Variants in RABL2A observed in about 807,000 individuals in gnomAD.
RABL2A encodes the protein rab-like protein 2A.
RABL2A carries 17 observed loss-of-function variants against 30.7 expected under a neutral mutation model. That is an observed-to-expected ratio of 0.55 (90% CI 0.38 to 0.83). The LOEUF is 0.83. Ranked by LOEUF, RABL2A falls within the 40% of genes least tolerant of loss-of-function variation. The pLI, the probability that RABL2A is intolerant of heterozygous loss-of-function variation, is 0.00. For missense variants in RABL2A, 155 were observed against 272.6 expected, an observed-to-expected ratio of 0.57 and a Z score of 3.04; for synonymous variants, 64 against 101.8, an observed-to-expected ratio of 0.63 and a Z score of 2.24.
chr2:113,632,792 G>A (rs1364847233), intron 2 of RABL2A, 123 bp from the exon 3 acceptor site: 18 of 1,300,990 alleles, frequency 1.4e-5, no homozygotes, highest in Non-Finnish European at 1.6e-5. Context: ...CTGTGTGGCT[G>A]TGGAGTGAAA....
intron 5 of RABL2A, 156 bp from the exon 6 acceptor site, chr2:113,640,738 C>T (rs1177269908): frequency 1.6e-5 from 18 of 1,154,254 alleles, no homozygotes; most frequent in East Asian, 2.6e-5. Flanking sequence ...CCCTGAGAAA[C>T]GGCAGCCTCT....
chr2:113,629,497 T>C (rs114840471), intron 2 of RABL2A, among the ~76,000 whole-genome samples: 2,450 of 150,404 alleles, frequency 0.016, 81 homozygotes, highest in African/African-American at 0.055. Context: ...CTCTCTCTCT[T>C]CCCCACCACA....
chr2:113,639,151 G>A (rs567605027), intron 5 of RABL2A, among the ~76,000 whole-genome samples: 3 of 152,142 alleles, frequency 2.0e-5, no homozygotes, highest in African/African-American at 2.4e-5. Context: ...GCCAGGCATG[G>A]TGGCATGTGC....
chr2:113,629,668 A>G (rs550617571), intron 2 of RABL2A, among the ~76,000 whole-genome samples: 27 of 151,920 alleles, frequency 1.8e-4, no homozygotes, highest in African/African-American at 5.3e-4. Context: ...GCGAGTAGCT[A>G]GGACTACAGG....
At chr2:113,627,647 C>G (rs571899557) in intron 1 of RABL2A, among the ~76,000 whole-genome samples, 87 of 152,348 alleles carry the variant, frequency 5.7e-4, no homozygotes, top group Middle Eastern at 6.8e-3. Flanking sequence ...AGTCTTCGCC[C>G]GTAAGCGGTG....
rs370581872 is a variant in RABL2A at position 113,632,993 on chromosome 2, G to A, written c.137+49G>A. On this transcript the variant is annotated intron_variant, in intron 3 of 8. Coordinates refer to ENST00000683472, the MANE Select transcript of RABL2A (RefSeq NM_001306158.2). ...TCCTTGTTCCTGTGGGTCTTCCCAC[G>A]CTCATGTATCAGTGTCCCACTGCCC... The A allele has an allele frequency of 2.8e-4, 456 of 1,613,508 alleles. 1 individual carries two copies. The highest frequency in any genetic ancestry group is 4.8e-4 in the Admixed American group (29 of 59,988).
chr2:113,641,270 C>G, intron 6 of RABL2A, 83 bp from the exon 7 acceptor site: 2 of 1,595,538 alleles, frequency 1.3e-6, no homozygotes, highest in Non-Finnish European at 1.7e-6. Flanking sequence ...ATCCCACTTT[C>G]TGGAATGAAG....
At chr2:113,633,515 G>A (rs1295926204) in intron 3 of RABL2A, 1 of 198,790 alleles carries the variant, frequency 5.0e-6, no homozygotes, top group African/African-American at 2.5e-5. Context: ...CCTGTCCTAG[G>A]CTCGGCACCC....
chr2:113,641,295 C>G, intron 6 of RABL2A, 58 bp from the exon 7 acceptor site: 1 of 1,611,314 alleles, frequency 6.2e-7, no homozygotes. Flanking sequence ...CCAGTGGCCC[C>G]CCCTCCAAAC....
intron 3 of RABL2A, 113 bp downstream of exon 3, chr2:113,633,057 T>C: frequency 6.5e-7 from 1 of 1,545,824 alleles, no homozygotes; most frequent in Non-Finnish European, 8.9e-7. Flanking sequence ...GGAAGGAGGA[T>C]TGGGTAAGTG....
intron 5 of RABL2A, among the ~76,000 whole-genome samples, chr2:113,639,495 A>C (rs1432530409): frequency 6.0e-5 from 9 of 151,106 alleles, no homozygotes; most frequent in African/African-American, 2.2e-4. Context: ...GGTGGTGCGC[A>C]CCTGTAATCC....
intron 5 of RABL2A, chr2:113,635,496 G>T (rs1682245784): frequency 1.6e-5 from 6 of 368,390 alleles, no homozygotes; most frequent in Non-Finnish European, 3.2e-5. Context: ...CTTTCCCTAG[G>T]GGGCACATGC....
intron 5 of RABL2A, among the ~76,000 whole-genome samples, chr2:113,636,956 T>C (rs1683044292): frequency 6.7e-6 from 1 of 150,076 alleles, no homozygotes. Context: ...GCCACTGCAC[T>C]CCAGCCTGGG....
In RABL2A at chr2:113,642,563, G is replaced by A. The variant is rs544217985; in HGVS notation, c.*434G>A. ...AATGATTACCCCCCCACCCACAGCT[G>A]AGTCTGTGAGGCCCCATCCTTTCCC... On this transcript the variant is annotated 3_prime_UTR_variant, in exon 9 of 9. Transcript: ENST00000683472. The A allele has an allele frequency of 2.1e-4, 53 of 247,044 alleles. No homozygotes were observed. In the South Asian group the frequency reaches 2.3e-3, roughly 11 times the overall value. 15.3% of individuals were successfully genotyped at this position (247,044 alleles called of 1,614,324 possible).
rs866866137 is a variant in RABL2A, at chr2:113,635,480, T to A, written c.297+350T>A. 32 of 380,666 alleles carry A rather than the reference T, an allele frequency of 8.4e-5. No homozygotes were observed. In the Middle Eastern group the frequency reaches 2.7e-3, roughly 32 times the overall value. The allele number at this position is 380,666 out of a possible 1,614,324, so 23.6% of individuals were successfully genotyped here. On this transcript the variant is annotated intron_variant, in intron 5 of 8. Transcript: ENST00000683472. ...CCCAAGGCCTCCCTCCACTGTTGCCTGCTGCCTTTCCCTAGGGGGCACATG... is the reference window on the plus strand; with the variant it reads ...CCCAAGGCCTCCCTCCACTGTTGCCAGCTGCCTTTCCCTAGGGGGCACATG...
intron 2 of RABL2A, among the ~76,000 whole-genome samples, 163 bp downstream of exon 2, chr2:113,628,876 G>A (rs1292467894): frequency 1.3e-5 from 2 of 152,180 alleles, no homozygotes; most frequent in African/African-American, 4.8e-5. Flanking sequence ...CACATGACCC[G>A]TTGTGTGTGT....
intron 5 of RABL2A, among the ~76,000 whole-genome samples, chr2:113,636,115 A>G (rs201661658): frequency 6.7e-6 from 1 of 150,160 alleles, no homozygotes; most frequent in South Asian, 2.1e-4. Flanking sequence ...TCTAAAAAAA[A>G]CCCACATTTT....
rs549816992 is a variant in RABL2A at position 113,628,865 on chromosome 2, T to C, written c.107+152T>C. On this transcript the variant is annotated intron_variant, in intron 2 of 8. Transcript: ENST00000683472. ...GATGTTCATGGGGGAACGAGGGGAA[T>C]CACATGACCCGTTGTGTGTGTCGGG... 936 of 1,556,092 alleles carry C rather than the reference T, an allele frequency of 6.0e-4. 2 individuals carry two copies. In the African/African-American group the frequency reaches 7.0e-3, roughly 12 times the overall value.
intron 5 of RABL2A, chr2:113,637,550 G>C (rs1386679148): frequency 8.3e-7 from 1 of 1,202,834 alleles, no homozygotes; most frequent in Non-Finnish European, 1.1e-6. Context: ...ACCCTTTGCA[G>C]ATGGTAAAGG....
Sources: gnomAD v4.1 joint callset for allele counts (sites outside exome capture counted in the v4.1 genomes callset) on GRCh38, gnomAD v4.1.1 for gene constraint, MANE v1.5 for transcripts, NCBI Gene and HGNC (gene_info 2026-07-23, HGNC 2026-07-21) for gene names.